Variants in OCA2 observed in about 807,000 individuals in gnomAD.
The protein encoded by OCA2 is OCA2 melanosomal transmembrane protein.
In OCA2, 77 loss-of-function variants were observed where a neutral mutation model predicts 100.2. The ratio of observed to expected loss-of-function variants is 0.77; its 90% CI spans 0.64 to 0.93. OCA2 has a LOEUF of 0.93. Among genes scored for constraint, OCA2 ranks in the 40% least tolerant of loss-of-function variants. The pLI is 0.00. For missense variants in OCA2, 1,062 were observed against 1,089.1 expected (o/e 0.98, Z 0.35); for synonymous variants, 432 against 439.2 (o/e 0.98, Z 0.21).
intron 2 of OCA2, among the ~76,000 whole-genome samples, chr15:28,064,664 T>A (rs1055652201): frequency 6.6e-6 from 1 of 152,040 alleles, no homozygotes; most frequent in Non-Finnish European, 1.5e-5. Context: ...ATTTTGTTCA[T>A]ACGGTGTTTT....
intron 14 of OCA2, among the ~76,000 whole-genome samples, chr15:27,974,530 G>A (rs1567179025): frequency 6.6e-6 from 1 of 152,176 alleles, no homozygotes. Flanking sequence ...ACTTTGGGAG[G>A]CCGAGGCAGA....
At chr15:27,915,006 C>T (rs1207505091) in intron 19 of OCA2, among the ~76,000 whole-genome samples, 2 of 152,016 alleles carry the variant, frequency 1.3e-5, no homozygotes, top group Non-Finnish European at 2.9e-5. Flanking sequence ...GGTAGTGGTA[C>T]AAAAACAGAC....
intron 18 of OCA2, among the ~76,000 whole-genome samples, chr15:27,942,874 T>C (rs1168686584): frequency 6.6e-6 from 1 of 152,170 alleles, no homozygotes; most frequent in Non-Finnish European, 1.5e-5. Context: ...ATTATATTTA[T>C]CATCATTCTG....
rs2151440156 is a variant in OCA2 at position 27,858,714 on chromosome 15, T to C, written c.2245-7239A>G. On this transcript the variant is annotated intron_variant, in intron 21 of 23. Transcript: ENST00000354638. The stretch of plus-strand genomic sequence containing the variant: ...AACGTGGAAATATATGAAACAAAAA[T>C]TGGCATAATTGAAGGAGAAATAGAT... Among the ~76,000 whole-genome samples the C allele has an allele frequency of 2.6e-5, 4 of 152,166 alleles. 1 individual carries two copies. The Middle Eastern group carries it at 0.014, about 518-fold the overall frequency.
chr15:28,006,450 T>G (rs1426343352), intron 9 of OCA2, among the ~76,000 whole-genome samples: 3 of 152,222 alleles, frequency 2.0e-5, no homozygotes, highest in African/African-American at 4.8e-5. Flanking sequence ...CTACTCACTT[T>G]GAGAAGAAAT....
At chr15:27,976,819 C>T (rs1053867629) in intron 14 of OCA2, among the ~76,000 whole-genome samples, 3 of 152,078 alleles carry the variant, frequency 2.0e-5, no homozygotes, top group Admixed American at 6.6e-5. Context: ...GGTATTATAA[C>T]ATTATTTTTT....
intron 20 of OCA2, 42 bp downstream of exon 20, chr15:27,871,821 G>T: frequency 1.3e-5 from 17 of 1,260,736 alleles, no homozygotes; most frequent in Non-Finnish European, 1.7e-5. Flanking sequence ...CAAAATCAAA[G>T]AACAGTGGCT....
At chr15:27,784,893 C>CAGAG (rs55682306) in intron 23 of OCA2, among the ~76,000 whole-genome samples, 8 of 148,516 alleles carry the variant, frequency 5.4e-5, no homozygotes, top group East Asian at 4.0e-4. Flanking sequence ...AAGAGAGAGA[C>CAGAG]AGAGAGAGAG....
intron 21 of OCA2, among the ~76,000 whole-genome samples, chr15:27,853,489 G>A (rs1022227672): frequency 2.0e-5 from 3 of 149,846 alleles, no homozygotes; most frequent in Admixed American, 6.6e-5. Flanking sequence ...CGAGTTAATG[G>A]GTGCAGCACA....
chr15:27,785,007 T>C (rs1031889563), intron 23 of OCA2, among the ~76,000 whole-genome samples: 1 of 151,812 alleles, frequency 6.6e-6, no homozygotes, highest in Non-Finnish European at 1.5e-5. Context: ...GCAGAATAAA[T>C]GCCAACAAGC....
At chr15:27,814,883 TATAGATAG>T (rs201567846) in intron 23 of OCA2, among the ~76,000 whole-genome samples, 13,623 of 101,740 alleles carry the variant, frequency 0.13, 732 homozygotes, top group East Asian at 0.17. Flanking sequence ...ATTCTCTCTC[TATAGATAG>T]ATAGATAGAT....
intron 23 of OCA2, among the ~76,000 whole-genome samples, chr15:27,784,001 G>A (rs547957304): frequency 1.3e-5 from 2 of 152,316 alleles, no homozygotes; most frequent in Non-Finnish European, 2.9e-5. Flanking sequence ...GGATAGCACT[G>A]AAAGCCACAC....
chr15:27,813,437 TACAC>T (rs2034159522), intron 23 of OCA2, among the ~76,000 whole-genome samples: 1 of 152,006 alleles, frequency 6.6e-6, no homozygotes, highest in African/African-American at 2.4e-5. Context: ...CACACACAGA[TACAC>T]ACTCACAGCC....
At chr15:27,982,641 A>G (rs1426782224) in intron 14 of OCA2, among the ~76,000 whole-genome samples, 3 of 152,240 alleles carry the variant, frequency 2.0e-5, no homozygotes, top group South Asian at 2.1e-4. Flanking sequence ...CAGCGTTCAA[A>G]TACAAACACA....
intron 19 of OCA2, among the ~76,000 whole-genome samples, chr15:27,913,846 A>G (rs1218422590): frequency 2.4e-4 from 8 of 34,040 alleles, no homozygotes; most frequent in East Asian, 0.016. Flanking sequence ...AAGGAAAGAA[A>G]GAAAGAAAGA....
At chr15:28,005,696 C>T (rs753977618) in intron 9 of OCA2, among the ~76,000 whole-genome samples, 10 of 152,154 alleles carry the variant, frequency 6.6e-5, no homozygotes, top group Admixed American at 6.5e-5. Flanking sequence ...CTGAGCTCAC[C>T]CAGATAGTCT....
intron 14 of OCA2, among the ~76,000 whole-genome samples, chr15:27,981,428 G>A (rs1032877816): frequency 1.3e-5 from 2 of 152,112 alleles, no homozygotes; most frequent in Non-Finnish European, 2.9e-5. Context: ...GAATATTTTT[G>A]TATCACTCTA....
chr15:27,827,825 C>A (rs139716961), intron 23 of OCA2, among the ~76,000 whole-genome samples: 2 of 151,996 alleles, frequency 1.3e-5, no homozygotes, highest in South Asian at 2.1e-4. Flanking sequence ...AATGTAAATT[C>A]GAATTTCTGA....
At chr15:28,094,532 G>T (rs1253163032) in intron 1 of OCA2, among the ~76,000 whole-genome samples, 1 of 151,838 alleles carries the variant, frequency 6.6e-6, no homozygotes, top group Non-Finnish European at 1.5e-5. Flanking sequence ...CCAAATTTTA[G>T]AAAGAAAAAA....
Sources: gnomAD v4.1 joint callset for allele counts (sites outside exome capture counted in the v4.1 genomes callset) on GRCh38, gnomAD v4.1.1 for gene constraint, MANE v1.5 for transcripts, NCBI Gene and HGNC (gene_info 2026-07-23, HGNC 2026-07-21) for gene names.